Variants in KIAA1671 observed in about 807,000 individuals in gnomAD.
KIAA1671 encodes the protein KIAA1671.
Under a neutral mutation model 131.2 loss-of-function variants are expected in KIAA1671, and 52 were observed. That is an observed-to-expected ratio of 0.40 (90% CI 0.32 to 0.50). KIAA1671 has a LOEUF of 0.50. KIAA1671 is among the 20% of genes least tolerant of loss of function. The pLI, the probability that KIAA1671 is intolerant of heterozygous loss-of-function variation, is 0.73. For synonymous variants in KIAA1671, 1,003 were observed against 961.6 expected, an observed-to-expected ratio of 1.04 and a Z score of -0.80; for missense variants, 2,360 against 2,364.2, an observed-to-expected ratio of 1.00 and a Z score of 0.04.
At position 25,038,927 on chromosome 22, in the gene KIAA1671, C is replaced by T; in HGVS notation, c.1797C>T (p.Val599=). The T allele has an allele frequency of 1.9e-6, 3 of 1,551,764 alleles. No homozygotes were observed. The highest frequency in any genetic ancestry group is 2.4e-5 in the South Asian group (2 of 84,052). ...TGGAGGCCCCGTGCCCTTCTGACGT[C>T]ACTCCAGAGGATGACCGGAGCTTCC... ...SSVEAPCPSD[V]TPEDDRSFQT... Residue 599 remains valine, a synonymous_variant, in exon 5 of 13, where the codon GTC becomes GTT. Transcript: ENST00000358431.
chr22:25,022,709 G>A (rs1362359673), intron 1 of KIAA1671: 2 of 152,302 alleles, frequency 1.3e-5, no homozygotes, highest in Non-Finnish European at 2.9e-5. Flanking sequence ...TCAGCCTGAT[G>A]TCCCCTCTCT....
Position 25,039,674 on chromosome 22 carries a change from C to T in KIAA1671, c.2544C>T (p.Ser848=), listed in dbSNP as rs995566739. The T allele has an allele frequency of 1.2e-5, 19 of 1,527,938 alleles. No individual in the cohort carries two copies. Among genetic ancestry groups the T allele is most frequent in the Admixed American group, 6.0e-5 (3 of 50,016 alleles). 94.6% of individuals were successfully genotyped at this position (1,527,938 alleles called of 1,614,324 possible). A position where few individuals can be genotyped will look rare whatever the true frequency, so the allele number is the denominator to read the frequency against. ...SEEHCAPGAT[S]VRAIKAAIWE... Reference sequence around the variant, plus strand: ...AGCACTGTGCTCCCGGGGCCACCTCCGTCAGGGCTATCAAGGCTGCCATCT... The same window carrying T: ...AGCACTGTGCTCCCGGGGCCACCTCTGTCAGGGCTATCAAGGCTGCCATCT... Residue 848 remains serine, a synonymous_variant, in exon 5 of 13, where the codon TCC becomes TCT. Coordinates refer to ENST00000358431, the MANE Select transcript of KIAA1671 (RefSeq NM_001145206.2).
intron 6 of KIAA1671, chr22:25,052,841 T>G (rs1255221497): frequency 6.6e-6 from 1 of 152,200 alleles, no homozygotes; most frequent in African/African-American, 2.4e-5. Context: ...CTCAGCCTGC[T>G]GAGTAGCTGG....
intron 1 of KIAA1671, among the ~76,000 whole-genome samples, chr22:24,999,513 C>T (rs1186451198): frequency 6.6e-6 from 1 of 150,392 alleles, no homozygotes; most frequent in East Asian, 2.0e-4. Context: ...TAGGCGTGAG[C>T]CATTATGCCT....
chr22:25,033,557 TTGG>T (rs1465167131), intron 4 of KIAA1671, among the ~76,000 whole-genome samples: 5 of 150,114 alleles, frequency 3.3e-5, no homozygotes, highest in Non-Finnish European at 7.4e-5. Context: ...AGTTGTTTTT[TTGG>T]TTGGTTTGTT....
chr22:24,963,896 C>T lies in KIAA1671; in HGVS notation c.-208+11124C>T, dbSNP rs186171256. ...CGGAGCTTGCAGTGAGCCAAGATCA[C>T]GCCACTGCACTCCAGCCTGGGTGAC... On this transcript the variant is annotated intron_variant, in intron 1 of 12. Transcript: ENST00000358431. 4.4e-3 allele frequency among the ~76,000 whole-genome samples: 641 copies of T among 144,064 alleles called. 3 individuals are homozygous for T. Among genetic ancestry groups the T allele is most frequent in the African/African-American group, 0.015 (597 of 38,782 alleles). The allele number at this position is 144,064 out of a possible 152,430, so 94.5% of individuals were successfully genotyped here.
At chr22:24,991,305 G>A (rs1923828807) in intron 1 of KIAA1671, among the ~76,000 whole-genome samples, 1 of 151,390 alleles carries the variant, frequency 6.6e-6, no homozygotes, top group Admixed American at 6.6e-5. Context: ...TTACAGGCAT[G>A]AGCCACCATG....
rs914984675 is a variant in KIAA1671 at position 25,040,746 on chromosome 22, G to T, written c.3616G>T (p.Ala1206Ser). The change falls in exon 5 of 13, where the codon GCA (alanine) becomes TCA (serine). Residue 1206 changes from alanine (A) to serine (S), a missense_variant. Transcript: ENST00000358431. ...CGTTCTTGACATTGACGCCCTGATG[G>T]CAGAGTACCAGGAGCTGTCGCTGAA... ...SSVLDIDALM[A>S]EYQELSLKVP... 3.0e-5 allele frequency: 46 copies of T among 1,551,784 alleles called. No homozygotes were observed. Among genetic ancestry groups the T allele is most frequent in the Non-Finnish European group, 3.9e-5 (45 of 1,147,070 alleles).
chr22:24,983,654 A>G (rs1411672708), intron 1 of KIAA1671, among the ~76,000 whole-genome samples: 2 of 134,632 alleles, frequency 1.5e-5, no homozygotes, highest in Non-Finnish European at 3.1e-5. Flanking sequence ...AGCAGAGGGA[A>G]CAGCTTGCGC....
rs907345178 is a variant in KIAA1671 at position 25,031,358 on chromosome 22, A to G, written c.1542-1251A>G. Among the ~76,000 whole-genome samples, 394 of 151,958 alleles carry G rather than the reference A, an allele frequency of 2.6e-3. 1 individual carries two copies. Among genetic ancestry groups the G allele is most frequent in the African/African-American group, 9.2e-3 (382 of 41,460 alleles). On this transcript the variant is annotated intron_variant, in intron 3 of 12. Coordinates refer to ENST00000358431, the MANE Select transcript of KIAA1671 (RefSeq NM_001145206.2). ...ACTACAGGCGTCAGCCACCACGCCC[A>G]GCTAATTTTTTGCATTTTTAGTAGA... is the stretch of plus-strand genomic sequence containing the variant.
chr22:25,054,830 A>G (rs1264396693), intron 6 of KIAA1671: 2 of 149,670 alleles, frequency 1.3e-5, no homozygotes, highest in East Asian at 2.0e-4. Context: ...CTAAGTCTTG[A>G]AGGCTGAGCA....
In KIAA1671 at chr22:25,177,417, GC is replaced by G. The variant is rs766647415; in HGVS notation, c.4974del (p.Ile1659SerfsTer74). On this transcript the variant is annotated frameshift_variant, in exon 9 of 13. Coordinates refer to ENST00000358431, the MANE Select transcript of KIAA1671 (RefSeq NM_001145206.2). LOFTEE classifies it high-confidence loss of function. ...GCTCAGCAAGAGAAGCCGCCGCCGG[GC>G]CCCCATCTCCCACTCCCTCCGGCGC... ...VQLSKRSRRR[A>X]PISHSLRRSR... The G allele has an allele frequency of 1.3e-6, 2 of 1,551,726 alleles. No individual in the cohort carries two copies. The highest frequency in any genetic ancestry group is 1.2e-5 in the South Asian group (1 of 84,052).
chr22:25,022,674 C>CTCAT (rs1925738555), intron 1 of KIAA1671: 1 of 152,250 alleles, frequency 6.6e-6, no homozygotes, highest in Non-Finnish European at 1.5e-5. Flanking sequence ...TAGAGAAACA[C>CTCAT]TCATTGCTAG....
In KIAA1671 at chr22:25,029,544, A is replaced by G; in HGVS notation, c.1541+4A>G. On this transcript the variant is annotated splice_donor_region_variant and intron_variant, in intron 3 of 12. Coordinates refer to ENST00000358431, the MANE Select transcript of KIAA1671 (RefSeq NM_001145206.2). ...TGTCGGCGGATTTGACCAAATTGTA[A>G]GTAGGCACATCCCACACCCCTCTCT... is the stretch of plus-strand genomic sequence containing the variant. 1 of 1,527,308 alleles carries G rather than the reference A, an allele frequency of 6.5e-7. No individual in the cohort carries two copies. The highest frequency in any genetic ancestry group is 8.8e-7 in the Non-Finnish European group (1 of 1,135,168). 94.6% of individuals were successfully genotyped at this position (1,527,308 alleles called of 1,614,324 possible). A position where few individuals can be genotyped will look rare whatever the true frequency, so the allele number is the denominator to read the frequency against.
At chr22:25,109,006 G>A (rs1931184959) in intron 6 of KIAA1671, among the ~76,000 whole-genome samples, 1 of 152,160 alleles carries the variant, frequency 6.6e-6, no homozygotes, top group South Asian at 2.1e-4. Flanking sequence ...GACTGCTTGA[G>A]CATCCTCACA....
chr22:25,102,022 T>C (rs1930710263), intron 6 of KIAA1671, among the ~76,000 whole-genome samples: 2 of 152,182 alleles, frequency 1.3e-5, no homozygotes, highest in Middle Eastern at 3.4e-3. Flanking sequence ...TGTGGTGGAC[T>C]AGATGCTGGC....
At chr22:25,139,358 C>T (rs1932772755) in intron 6 of KIAA1671, among the ~76,000 whole-genome samples, 1 of 152,178 alleles carries the variant, frequency 6.6e-6, no homozygotes, top group Admixed American at 6.5e-5. Context: ...GAGGAGGCCT[C>T]AGGAAGTGGA....
intron 1 of KIAA1671, among the ~76,000 whole-genome samples, chr22:24,975,974 C>T (rs973652058): frequency 2.2e-4 from 34 of 152,350 alleles, no homozygotes; most frequent in African/African-American, 7.9e-4. Context: ...CACTATTCAG[C>T]GTGGGCTTCC....
At chr22:25,127,864 G>A (rs1932257295) in intron 6 of KIAA1671, among the ~76,000 whole-genome samples, 1 of 152,214 alleles carries the variant, frequency 6.6e-6, no homozygotes, top group African/African-American at 2.4e-5. Context: ...CAACAACTTA[G>A]TGCCATTGGT....
Sources: allele counts gnomAD v4.1 joint callset (sites outside exome capture counted in the v4.1 genomes callset), GRCh38; gene constraint gnomAD v4.1.1; transcripts MANE v1.5; gene names NCBI Gene and HGNC (gene_info 2026-07-23, HGNC 2026-07-21).